Variants in PRDM11 observed in about 807,000 individuals in gnomAD.
PRDM11 encodes the protein PR domain-containing protein 11.
Under a neutral mutation model 97.8 loss-of-function variants are expected in PRDM11, and 20 were observed. The observed-to-expected ratio is 0.20, with a 90% CI of 0.14 to 0.30. The LOEUF (loss-of-function observed/expected upper bound fraction) is 0.30. Among genes scored for constraint, PRDM11 ranks in the 10% least tolerant of loss-of-function variants. The pLI, the probability that PRDM11 is intolerant of heterozygous loss-of-function variation, is 1.00. For synonymous variants in PRDM11, 599 were observed against 637.7 expected, an observed-to-expected ratio of 0.94 and a Z score of 0.91; for missense variants, 1,139 against 1,555.2, an observed-to-expected ratio of 0.73 and a Z score of 4.50.
chr11:45,130,838 G>A (rs1017532958), intron 1 of PRDM11, among the ~76,000 whole-genome samples: 4 of 152,096 alleles, frequency 2.6e-5, no homozygotes, highest in Non-Finnish European at 4.4e-5. Flanking sequence ...TGTATTCAAC[G>A]TGTTATGAGA....
At chr11:45,191,302 C>CA (rs1852904910) in intron 4 of PRDM11, among the ~76,000 whole-genome samples, 1 of 152,240 alleles carries the variant, frequency 6.6e-6, no homozygotes, top group African/African-American at 2.4e-5. Context: ...CACCTGGTGG[C>CA]AGTTTGTCTT....
At chr11:45,116,800 G>C (rs1008547601) in intron 1 of PRDM11, among the ~76,000 whole-genome samples, 1 of 152,290 alleles carries the variant, frequency 6.6e-6, no homozygotes, top group Non-Finnish European at 1.5e-5. Flanking sequence ...TAGAACTGGG[G>C]AAGGAAATAT....
At chr11:45,181,968 C>T (rs1852522619) in intron 2 of PRDM11, 83 bp downstream of exon 2, 11 of 1,253,574 alleles carry the variant, frequency 8.8e-6, no homozygotes, top group Admixed American at 6.4e-5. Flanking sequence ...CCCTGGGAAA[C>T]GTTCTCACTC....
rs75474610 is a variant in PRDM11 at position 45,100,819 on chromosome 11, C to T, written c.96+4918C>T. Among the ~76,000 whole-genome samples, 840 of 152,320 alleles carry T rather than the reference C, an allele frequency of 5.5e-3. 9 individuals are homozygous for T. Among genetic ancestry groups the T allele is most frequent in the African/African-American group, 0.019 (795 of 41,556 alleles). On this transcript the variant is annotated intron_variant, in intron 1 of 6. Coordinates refer to the PRDM11 transcript ENST00000530656. ...GTGCTATATATTTTGCATATTTTCT[C>T]TCATTGGATGTGCACAATAACCAGC...
In PRDM11 at chr11:45,183,006, T is replaced by G. The variant is rs149571962; in HGVS notation, c.369T>G (p.Thr123=). Residue 123 remains threonine, a synonymous_variant, in exon 4 of 8, where the codon ACT becomes ACG. Coordinates refer to ENST00000683152, the MANE Select transcript of PRDM11 (RefSeq NM_001384648.1). ...IPQGMEVVKD[T]SGESDVRCVN... ...AGGGCATGGAGGTGGTCAAGGACAC[T>G]AGTGGAGAGAGTGACGTGCGATGTG... The G allele has an allele frequency of 1.5e-5, 25 of 1,613,948 alleles. No individual in the cohort carries two copies. The highest frequency in any genetic ancestry group is 1.6e-4 in the Middle Eastern group (1 of 6,084).
chr11:45,187,156 C>A (rs1404154134), intron 4 of PRDM11, among the ~76,000 whole-genome samples: 3 of 152,142 alleles, frequency 2.0e-5, no homozygotes, highest in Non-Finnish European at 2.9e-5. Flanking sequence ...TTATTCCCAA[C>A]CAAGTAATAC....
At chr11:45,213,761 A>G in intron 5 of PRDM11, 1 of 456,290 alleles carries the variant, frequency 2.2e-6, no homozygotes, top group Non-Finnish European at 4.4e-6. Flanking sequence ...CATTTTTATC[A>G]TCATCATCTG....
chr11:45,195,516 T>G (rs1190462463), intron 4 of PRDM11, among the ~76,000 whole-genome samples: 1 of 152,206 alleles, frequency 6.6e-6, no homozygotes, highest in Non-Finnish European at 1.5e-5. Flanking sequence ...TCGCTTCATG[T>G]TTTCAAGGTT....
chr11:45,181,785 G>C lies in PRDM11; in HGVS notation c.19G>C (p.Glu7Gln), dbSNP rs1248142970. 6 of 1,613,310 alleles carry C rather than the reference G, an allele frequency of 3.7e-6. No homozygotes were observed. In the East Asian group the frequency reaches 6.7e-5, roughly 18 times the overall value. Residue 7 changes from glutamate to glutamine, a missense_variant, in exon 2 of 8, where the codon GAG becomes CAG. Physicochemically the swap from Glu to Gln is conservative, Grantham distance 29. This residue lies in a region of PRDM11 where 429 missense variants were observed against 510.3 expected (regional missense o/e 0.84). Coordinates refer to ENST00000683152, the MANE Select transcript of PRDM11 (RefSeq NM_001384648.1). ...GGACAGAATGACCGAGAACATGAAG[G>C]AGTGCTTGGCCCAGACCAATGCAGC... MTENMK[E>Q]CLAQTNAAVG... is the part of the protein sequence containing the mutation.
rs557451068 is a variant in PRDM11 at position 45,224,821 on chromosome 11, C to T, written c.1347C>T (p.Leu449=). 1.4e-4 allele frequency: 222 copies of T among 1,614,076 alleles called. 1 individual carries two copies. The South Asian group carries it at 2.3e-3, about 16-fold the overall frequency. The change falls in exon 7 of 8, where the codon CTC becomes CTT. Residue 449 remains leucine (L), a synonymous_variant. Coordinates refer to ENST00000683152, the MANE Select transcript of PRDM11 (RefSeq NM_001384648.1). ...TATTGCCACCACAGGTACTGGAGCT[C>T]CCAGAGTTCTCGGACCCTGCAGGTA... ...PPVLPPQVLE[L]PEFSDPAASE...
chr11:45,200,657 C>T (rs1228577651), intron 4 of PRDM11, among the ~76,000 whole-genome samples: 2 of 152,106 alleles, frequency 1.3e-5, no homozygotes, highest in Non-Finnish European at 2.9e-5. Flanking sequence ...GACAGGGGAG[C>T]AATCAGAAAT....
At chr11:45,107,091 T>G (rs1852074720) in intron 1 of PRDM11, among the ~76,000 whole-genome samples, 1 of 152,188 alleles carries the variant, frequency 6.6e-6, no homozygotes, top group Non-Finnish European at 1.5e-5. Flanking sequence ...AGTATGGGGC[T>G]GGCTGAAGGC....
chr11:45,191,014 A>G (rs949545904), intron 4 of PRDM11, among the ~76,000 whole-genome samples: 2 of 152,204 alleles, frequency 1.3e-5, no homozygotes, highest in Admixed American at 1.3e-4. Flanking sequence ...AATTGCCATT[A>G]GTAACATCCT....
chr11:45,184,094 G>A (rs1590415550), intron 4 of PRDM11, among the ~76,000 whole-genome samples: 1 of 152,248 alleles, frequency 6.6e-6, no homozygotes, highest in South Asian at 2.1e-4. Context: ...TGTGATTGAA[G>A]GAGGTGAATG....
intron 1 of PRDM11, among the ~76,000 whole-genome samples, chr11:45,102,824 C>T (rs752533141): frequency 9.2e-5 from 14 of 152,224 alleles, no homozygotes; most frequent in Non-Finnish European, 1.9e-4. Flanking sequence ...CAGTTCAATG[C>T]CAGAGCAGTC....
chr11:45,161,697 C>T lies in PRDM11; in HGVS notation c.-7+14820C>T, dbSNP rs543319014. On this transcript the variant is annotated intron_variant, in intron 1 of 7. Transcript: ENST00000683152. ...CAGGTCAGGGTTGGCCTCGCAGCCC[C>T]GGGGGCAAATTGGTGCAGCTGATGA... Among the ~76,000 whole-genome samples, 202 of 152,332 alleles carry T rather than the reference C, an allele frequency of 1.3e-3. 1 individual carries two copies. Among genetic ancestry groups the T allele is most frequent in the African/African-American group, 4.6e-3 (192 of 41,566 alleles).
intron 5 of PRDM11, chr11:45,214,113 A>G (rs947152533): frequency 2.8e-5 from 6 of 214,506 alleles, no homozygotes; most frequent in African/African-American, 1.1e-4. Flanking sequence ...AAAAGAATCC[A>G]GAGCCCAGTG....
At chr11:45,201,197 G>GCA (rs1853315225) in intron 4 of PRDM11, among the ~76,000 whole-genome samples, 1 of 152,210 alleles carries the variant, frequency 6.6e-6, no homozygotes, top group East Asian at 1.9e-4. Flanking sequence ...TCAGTCAAAT[G>GCA]TAGTAAAATA....
At chr11:45,108,485 A>G (rs998603195) in intron 1 of PRDM11, among the ~76,000 whole-genome samples, 1 of 152,226 alleles carries the variant, frequency 6.6e-6, no homozygotes, top group South Asian at 2.1e-4. Context: ...AGCTGGAAGC[A>G]GCAGCCAGGC....
Sources: gnomAD v4.1 joint callset for allele counts (sites outside exome capture counted in the v4.1 genomes callset) on GRCh38, gnomAD v4.1.1 for gene constraint, gnomAD v4.1.1 regional missense constraint, MANE v1.5 for transcripts, NCBI Gene and HGNC (gene_info 2026-07-23, HGNC 2026-07-21) for gene names.